NSD3: variants seen among roughly 807,000 people sequenced by gnomAD.
NSD3 encodes the protein nuclear receptor binding SET domain protein 3.
In NSD3, 24 loss-of-function variants were observed where a neutral mutation model predicts 160.8. The ratio of observed to expected loss-of-function variants is 0.15; its 90% CI spans 0.11 to 0.21. The LOEUF (loss-of-function observed/expected upper bound fraction) is 0.21, where lower values mean the gene tolerates loss of function less well. NSD3 is among the 10% of genes least tolerant of loss of function. The pLI is 1.00. For missense variants in NSD3, 1,157 were observed against 1,735.9 expected (o/e 0.67, Z 5.93); for synonymous variants, 520 against 600.0 (o/e 0.87, Z 1.95).
At chr8:38,360,938 T>C (rs922378776) in intron 1 of NSD3, among the ~76,000 whole-genome samples, 1 of 152,202 alleles carries the variant, frequency 6.6e-6, no homozygotes, top group African/African-American at 2.4e-5. Context: ...GAAGTTACCC[T>C]TCCAGAACAG....
At chr8:38,289,590 T>G (rs1241577013) in intron 17 of NSD3, 85 bp from the exon 18 acceptor site, 15 of 1,222,950 alleles carry the variant, frequency 1.2e-5, no homozygotes, top group Non-Finnish European at 1.8e-5. Context: ...GCCTTCCCAA[T>G]GCTTTGCATC....
intron 1 of NSD3, among the ~76,000 whole-genome samples, chr8:38,364,192 G>T (rs1474156529): frequency 6.6e-6 from 1 of 152,008 alleles, no homozygotes; most frequent in East Asian, 1.9e-4. Context: ...TGGGACGATC[G>T]CTTGAACCTG....
Position 38,273,763 on chromosome 8 carries a change from T to G in NSD3, c.*1878A>C, listed in dbSNP as rs914867379. ...CTTGTAGCAATTATATTTGGTGACA[T>G]GGATCGCATTTTCCATTTTGCTCTT... On this transcript the variant is annotated 3_prime_UTR_variant, in exon 24 of 24. Coordinates refer to ENST00000317025, the MANE Select transcript of NSD3 (RefSeq NM_023034.2). 3.3e-5 allele frequency: 5 copies of G among 152,240 alleles called. No individual in the cohort carries two copies. The highest frequency in any genetic ancestry group is 1.2e-4 in the African/African-American group (5 of 41,468). The allele number at this position is 152,240 out of a possible 1,614,324, so 9.4% of individuals were successfully genotyped here. A position where few individuals can be genotyped will look rare whatever the true frequency, so the allele number is the denominator to read the frequency against.
intron 1 of NSD3, 24 bp downstream of exon 1, chr8:38,381,755 CACACACACACACACACACAT>C (rs1178254465): frequency 1.0e-5 from 1 of 100,244 alleles, no homozygotes; most frequent in Non-Finnish European, 2.3e-5. Context: ...CGCACACACA[CACACACACACACACACACAT>C]ACACACACGC....
At chr8:38,298,710 T>C (rs1162966891) in intron 15 of NSD3, among the ~76,000 whole-genome samples, 2 of 152,194 alleles carry the variant, frequency 1.3e-5, no homozygotes, top group African/African-American at 4.8e-5. Flanking sequence ...AATACATCAT[T>C]GTTAAATCAT....
chr8:38,348,278 C>T, intron 1 of NSD3, 63 bp from the exon 2 acceptor site: 1 of 1,303,904 alleles, frequency 7.7e-7, no homozygotes, highest in East Asian at 2.4e-5. Context: ...GGCTAATCAA[C>T]TGAAAAAGGA....
intron 15 of NSD3, among the ~76,000 whole-genome samples, chr8:38,298,152 C>T (rs1283815580): frequency 1.3e-5 from 2 of 152,104 alleles, no homozygotes; most frequent in African/African-American, 2.4e-5. Context: ...AATTTCAATT[C>T]ATGTCAAAGT....
intron 1 of NSD3, among the ~76,000 whole-genome samples, chr8:38,376,930 T>C (rs990019595): frequency 1.3e-5 from 2 of 152,192 alleles, no homozygotes; most frequent in Non-Finnish European, 2.9e-5. Context: ...TATTTACTTA[T>C]AATAGCAAAA....
intron 8 of NSD3, chr8:38,320,523 T>TA (rs1563353721): frequency 1.3e-5 from 2 of 152,192 alleles, no homozygotes; most frequent in East Asian, 1.9e-4. Context: ...CACCTTTTTT[T>TA]ACCTAAATAT....
At chr8:38,315,290 T>A in intron 11 of NSD3, 126 bp downstream of exon 11, 1 of 1,179,508 alleles carries the variant, frequency 8.5e-7, no homozygotes, top group Non-Finnish European at 1.1e-6. Context: ...AGGTTTTATA[T>A]CTGTAGCTTT....
chr8:38,293,178 G>C (rs1809048329), intron 16 of NSD3, among the ~76,000 whole-genome samples: 1 of 151,662 alleles, frequency 6.6e-6, no homozygotes, highest in East Asian at 1.9e-4. Flanking sequence ...GTGGGGGGAG[G>C]TTTGATTTCA....
chr8:38,331,623 A>G (rs1015239451), intron 4 of NSD3, 38 bp from the exon 5 acceptor site: 2 of 1,603,356 alleles, frequency 1.2e-6, no homozygotes, highest in African/African-American at 2.7e-5. Flanking sequence ...TTCAGAACAT[A>G]AGCATTCACA....
intron 7 of NSD3, among the ~76,000 whole-genome samples, chr8:38,323,221 ATTT>A (rs1242793630): frequency 1.3e-5 from 2 of 148,740 alleles, no homozygotes; most frequent in Non-Finnish European, 3.0e-5. Flanking sequence ...TGCCCAGCTA[ATTT>A]TTTTTTTGTA....
At chr8:38,340,888 C>T (rs939540148) in intron 2 of NSD3, among the ~76,000 whole-genome samples, 3 of 152,076 alleles carry the variant, frequency 2.0e-5, no homozygotes, top group Admixed American at 6.6e-5. Flanking sequence ...TGCTATGGCT[C>T]GGCATGGTGT....
intron 12 of NSD3, among the ~76,000 whole-genome samples, chr8:38,308,368 C>A (rs1291876656): frequency 6.6e-6 from 1 of 151,006 alleles, no homozygotes; most frequent in Non-Finnish European, 1.5e-5. Flanking sequence ...ATGGTTAAGG[C>A]CAATAAAGTA....
At chr8:38,349,161 C>T (rs1260602354) in intron 1 of NSD3, among the ~76,000 whole-genome samples, 1 of 152,256 alleles carries the variant, frequency 6.6e-6, no homozygotes, top group East Asian at 1.9e-4. Context: ...CCTAGATATA[C>T]TTCTACATCA....
intron 14 of NSD3, among the ~76,000 whole-genome samples, chr8:38,302,634 G>C (rs2131007522): frequency 6.6e-6 from 1 of 152,300 alleles, no homozygotes; most frequent in African/African-American, 2.4e-5. Flanking sequence ...ATTTAACAAA[G>C]TGGCTAGAGT....
intron 15 of NSD3, among the ~76,000 whole-genome samples, chr8:38,297,170 A>G (rs2131002223): frequency 1.3e-5 from 2 of 152,316 alleles, no homozygotes; most frequent in Middle Eastern, 3.4e-3. Flanking sequence ...TCAGTATAGA[A>G]TGAAGTACCA....
intron 4 of NSD3, among the ~76,000 whole-genome samples, chr8:38,335,169 G>A (rs1037461873): frequency 6.6e-5 from 10 of 152,086 alleles, no homozygotes; most frequent in African/African-American, 2.4e-4. Flanking sequence ...TGTATTTTCA[G>A]TAGATATGGG....
Sources: allele counts gnomAD v4.1 joint callset (sites outside exome capture counted in the v4.1 genomes callset), GRCh38; gene constraint gnomAD v4.1.1; transcripts MANE v1.5; gene names NCBI Gene and HGNC (gene_info 2026-07-23, HGNC 2026-07-21).